PRKCZ: variants seen among roughly 807,000 people sequenced by gnomAD.
PRKCZ encodes protein kinase C zeta type.
In PRKCZ, 33 loss-of-function variants were observed where a neutral mutation model predicts 79.5. The ratio of observed to expected loss-of-function variants is 0.41; its 90% CI spans 0.31 to 0.55. The LOEUF (loss-of-function observed/expected upper bound fraction) is 0.55, where lower values mean the gene tolerates loss of function less well. Ranked by LOEUF, PRKCZ falls within the 20% of genes least tolerant of loss-of-function variation. The pLI is 0.19. For synonymous variants in PRKCZ, 342 were observed against 320.9 expected, an observed-to-expected ratio of 1.07 and a Z score of -0.70; for missense variants, 578 against 813.5, an observed-to-expected ratio of 0.71 and a Z score of 3.52.
At chr1:2,126,578 G>A (rs538111053) in intron 4 of PRKCZ, among the ~76,000 whole-genome samples, 1 of 152,132 alleles carries the variant, frequency 6.6e-6, no homozygotes, top group Non-Finnish European at 1.5e-5. Context: ...ACTGGGAAAT[G>A]CCCTCATTTG....
At chr1:2,170,516 A>ATTC (rs1684226935) in intron 11 of PRKCZ, among the ~76,000 whole-genome samples, 1 of 152,144 alleles carries the variant, frequency 6.6e-6, no homozygotes, top group African/African-American at 2.4e-5. Context: ...AAAAGGTAGC[A>ATTC]TTTTGGGGCA....
chr1:2,062,509 G>T (rs1402769648), intron 4 of PRKCZ, among the ~76,000 whole-genome samples: 3 of 149,590 alleles, frequency 2.0e-5, no homozygotes, highest in Non-Finnish European at 3.0e-5. Flanking sequence ...TTGGCAGAGG[G>T]GGGACGGAGT....
At chr1:2,182,756 G>A (rs753244974) in intron 16 of PRKCZ, 4 of 154,650 alleles carry the variant, frequency 2.6e-5, no homozygotes, top group Non-Finnish European at 5.9e-5. Context: ...TGTGACAGCT[G>A]GATTTCAGTG....
chr1:2,112,306 A>C (rs958747027), intron 4 of PRKCZ, among the ~76,000 whole-genome samples: 1 of 152,222 alleles, frequency 6.6e-6, no homozygotes, highest in Non-Finnish European at 1.5e-5. Context: ...TGCCCCAGTG[A>C]CACAGAGGCC....
intron 5 of PRKCZ, among the ~76,000 whole-genome samples, chr1:2,136,217 C>A (rs1380630369): frequency 6.6e-6 from 1 of 152,198 alleles, no homozygotes; most frequent in African/African-American, 2.4e-5. Context: ...CCCTCTAGAC[C>A]ATCAGGAAGT....
At chr1:2,135,428 C>A in intron 5 of PRKCZ, 81 bp downstream of exon 5, 1 of 1,308,356 alleles carries the variant, frequency 7.6e-7, no homozygotes, top group Non-Finnish European at 1.1e-6. Context: ...GGAGGCACGT[C>A]CCGCTGAGCC....
At chr1:2,126,960 G>T (rs1017676551) in intron 4 of PRKCZ, among the ~76,000 whole-genome samples, 1 of 152,236 alleles carries the variant, frequency 6.6e-6, no homozygotes, top group Admixed American at 6.5e-5. Flanking sequence ...GCCTGTTCCT[G>T]GGGGTCCGTG....
chr1:2,139,459 G>A (rs573692369), intron 5 of PRKCZ, among the ~76,000 whole-genome samples: 25 of 152,194 alleles, frequency 1.6e-4, no homozygotes, highest in Non-Finnish European at 2.5e-4. Flanking sequence ...GCGTGGTGGT[G>A]GGTTCCTCTA....
intron 16 of PRKCZ, among the ~76,000 whole-genome samples, chr1:2,176,920 C>T (rs1339852639): frequency 6.6e-6 from 1 of 152,198 alleles, no homozygotes; most frequent in East Asian, 1.9e-4. Flanking sequence ...CTCTGTCGTG[C>T]GGTTGTCAGA....
intron 15 of PRKCZ, among the ~76,000 whole-genome samples, 193 bp from the exon 16 acceptor site, chr1:2,175,031 G>A (rs192180478): frequency 6.6e-6 from 1 of 152,274 alleles, no homozygotes; most frequent in East Asian, 1.9e-4. Flanking sequence ...ATGAGAATGT[G>A]TGCCCAAGGA....
chr1:2,137,400 C>T (rs1676431039), intron 5 of PRKCZ, among the ~76,000 whole-genome samples: 1 of 152,166 alleles, frequency 6.6e-6, no homozygotes, highest in African/African-American at 2.4e-5. Context: ...CTCATAGACA[C>T]ACCCAGATGC....
rs1195140580 is a variant in PRKCZ at position 2,174,649 on chromosome 1, C to G, written c.1406-105C>G. On this transcript the variant is annotated intron_variant, in intron 14 of 17. Coordinates refer to ENST00000378567, the MANE Select transcript of PRKCZ (RefSeq NM_002744.6). The surrounding 1 kb of genome is among the most constrained non-coding windows in gnomAD (Gnocchi z 6.2). The stretch of plus-strand genomic sequence containing the variant: ...TGTAGGAAGGGAGGGGCTCCGGGGC[C>G]CCAAGGCTGAGCTCCCAAAGCTCTT... The G allele has an allele frequency of 8.0e-7, 1 of 1,255,972 alleles. No individual in the cohort carries two copies. The highest frequency in any genetic ancestry group is 1.1e-6 in the Non-Finnish European group (1 of 885,978). The allele number at this position is 1,255,972 out of a possible 1,614,324, so 77.8% of individuals were successfully genotyped here. A position where few individuals can be genotyped will look rare whatever the true frequency, so the allele number is the denominator to read the frequency against.
At chr1:2,056,061 G>A (rs916608787) in intron 2 of PRKCZ, among the ~76,000 whole-genome samples, 3 of 152,296 alleles carry the variant, frequency 2.0e-5, no homozygotes, top group East Asian at 3.9e-4. Flanking sequence ...CCAAGGACAC[G>A]GCCGTGCGGG....
Position 2,097,185 on chromosome 1 carries a change from C to T in PRKCZ, c.334+37594C>T, listed in dbSNP as rs572240354. 2.0e-5 allele frequency among the ~76,000 whole-genome samples: 3 copies of T among 152,310 alleles called. No individual in the cohort carries two copies. The South Asian group carries it at 6.2e-4, about 32-fold the overall frequency. On this transcript the variant is annotated intron_variant, in intron 4 of 17. Transcript: ENST00000378567. Reference sequence around the variant, plus strand: ...GGAGCAGCAAAGCAGTTCATTAGGACCAGGGCTGACCACACCAGTGTCCAT... The same window carrying T: ...GGAGCAGCAAAGCAGTTCATTAGGATCAGGGCTGACCACACCAGTGTCCAT...
intron 4 of PRKCZ, among the ~76,000 whole-genome samples, chr1:2,078,442 A>G (rs981299642): frequency 6.6e-6 from 1 of 152,102 alleles, no homozygotes; most frequent in Non-Finnish European, 1.5e-5. Flanking sequence ...GTCAGGTGCC[A>G]TTTTGATTTT....
intron 4 of PRKCZ, chr1:2,074,114 G>T (rs1421857759): frequency 9.2e-6 from 14 of 1,518,166 alleles, no homozygotes; most frequent in Non-Finnish European, 1.2e-5. Context: ...CCACGGCCCG[G>T]GGAAGGCGTG....
intron 1 of PRKCZ, among the ~76,000 whole-genome samples, chr1:2,052,485 CCCTT>C (rs1018593001): frequency 4.1e-4 from 62 of 151,698 alleles, no homozygotes; most frequent in African/African-American, 1.5e-3. Context: ...TCCCCTCTCT[CCCTT>C]CCCTGCCACA....
intron 4 of PRKCZ, among the ~76,000 whole-genome samples, chr1:2,126,348 C>T (rs897010082): frequency 3.9e-5 from 6 of 152,274 alleles, no homozygotes; most frequent in Middle Eastern, 3.4e-3. Flanking sequence ...GGGTCGTGGT[C>T]GGGGCAGGTG....
intron 11 of PRKCZ, among the ~76,000 whole-genome samples, chr1:2,170,635 C>T (rs1166224286): frequency 1.3e-5 from 2 of 152,232 alleles, no homozygotes; most frequent in African/African-American, 4.8e-5. Flanking sequence ...CCATCAGACA[C>T]TCCCTCCCTG....
Sources: allele counts gnomAD v4.1 joint callset (sites outside exome capture counted in the v4.1 genomes callset), GRCh38; gene constraint gnomAD v4.1.1; non-coding constraint Gnocchi (gnomAD v3.1); transcripts MANE v1.5; gene names NCBI Gene and HGNC (gene_info 2026-07-23, HGNC 2026-07-21).